CDH24: variants seen among roughly 807,000 people sequenced by gnomAD.
CDH24 encodes the protein cadherin 24.
Under a neutral mutation model 71.2 loss-of-function variants are expected in CDH24, and 61 were observed. The ratio of observed to expected loss-of-function variants is 0.86; its 90% CI spans 0.70 to 1.06. The LOEUF is 1.06. CDH24 is among the 50% of genes least tolerant of loss of function. The pLI is 0.00. For synonymous variants in CDH24, 440 were observed against 470.2 expected (o/e 0.94, Z 0.83); for missense variants, 961 against 1,083.7 (o/e 0.89, Z 1.59).
At chr14:23,052,396 C>A (rs1418200602) in intron 8 of CDH24, 77 bp downstream of exon 8, 2 of 1,530,240 alleles carry the variant, frequency 1.3e-6, no homozygotes, top group Middle Eastern at 1.7e-4. Flanking sequence ...CAGTTAGCAC[C>A]CTTCTCCACC....
Position 23,047,903 on chromosome 14 carries a change from C to T in CDH24, c.*77G>A. On this transcript the variant is annotated 3_prime_UTR_variant, in exon 12 of 13. Coordinates refer to ENST00000487137, the MANE Select transcript of CDH24 (RefSeq NM_144985.4). ...GGGCCCCTGGGCTGCTGCCGCCCGC[C>T]TGGACCCCGTGGGGCTCACTCAGAG... is the stretch of plus-strand genomic sequence containing the variant. The T allele has an allele frequency of 1.7e-6, 2 of 1,154,424 alleles. No individual in the cohort carries two copies. The highest frequency in any genetic ancestry group is 1.1e-6 in the Non-Finnish European group (1 of 909,996). The allele number at this position is 1,154,424 out of a possible 1,614,324, so 71.5% of individuals were successfully genotyped here.
chr14:23,048,269 G>A lies in CDH24; in HGVS notation c.2057C>T (p.Pro686Leu). The change falls in exon 12 of 13, where the codon CCC becomes CTC. Residue 686 changes from proline to leucine, a missense_variant. Pro to Leu is a moderately conservative substitution (Grantham distance 98). This residue lies in a region of CDH24 where 290 missense variants were observed against 272.8 expected (regional missense o/e 1.06). Transcript: ENST00000487137. ...PGPPARRDVL[P>L]RARVSRQPRP... is the part of the protein sequence containing the mutation. ...GGGCTGGCGCGACACCCGGGCCCGG[G>A]GCAACACGTCTCGGCGCGCGGGAGG... 2.0e-6 allele frequency: 3 copies of A among 1,534,826 alleles called. No individual in the cohort carries two copies. The highest frequency in any genetic ancestry group is 2.6e-6 in the Non-Finnish European group (3 of 1,148,816).
rs769279645 is a variant in CDH24, at chr14:23,054,095, G to A, written c.972+46C>T. On this transcript the variant is annotated intron_variant, in intron 6 of 12. Coordinates refer to ENST00000487137, the MANE Select transcript of CDH24 (RefSeq NM_144985.4). The surrounding 1 kb of genome is among the most constrained non-coding windows in gnomAD (Gnocchi z 5.2). ...AGTTAAATATGTGCCCTGTGGGTCG[G>A]CAGGAGGCAGGTCTAAGAGAAAGCA... is the stretch of plus-strand genomic sequence containing the variant. 4.6e-6 allele frequency: 7 copies of A among 1,522,010 alleles called. No individual in the cohort carries two copies. The highest frequency in any genetic ancestry group is 6.2e-6 in the Non-Finnish European group (7 of 1,129,770). 94.3% of individuals were successfully genotyped at this position (1,522,010 alleles called of 1,614,324 possible).
intron 10 of CDH24, 23 bp downstream of exon 10, chr14:23,049,604 C>A: frequency 7.3e-7 from 1 of 1,366,172 alleles, no homozygotes; most frequent in South Asian, 1.3e-5. Flanking sequence ...CAGGTATGGA[C>A]ATGGCTGTAG....
In CDH24 at chr14:23,047,926, G is replaced by C. The variant is rs1321673902; in HGVS notation, c.*54C>G. On this transcript the variant is annotated 3_prime_UTR_variant, in exon 12 of 13. Transcript: ENST00000487137. ...GCCTGGACCCCGTGGGGCTCACTCA[G>C]AGGGCCTGTGCCCGCTGCCCCCCCC... 9.5e-6 allele frequency: 12 copies of C among 1,261,502 alleles called. No homozygotes were observed. In the African/African-American group the frequency reaches 1.9e-4, roughly 20 times the overall value. The allele number at this position is 1,261,502 out of a possible 1,614,324, so 78.1% of individuals were successfully genotyped here. A position where few individuals can be genotyped will look rare whatever the true frequency, so the allele number is the denominator to read the frequency against.
Position 23,048,484 on chromosome 14 carries a change from G to T in CDH24, c.1847-5C>A. On this transcript the variant is annotated splice_region_variant and splice_polypyrimidine_tract_variant and intron_variant, in intron 11 of 12. Transcript: ENST00000487137. ...CCACGAAGAGCACCACCAGGGCTGCGCGAGAGGCGCGCACACAGGCCCTGA... is the reference window on the plus strand; with the variant it reads ...CCACGAAGAGCACCACCAGGGCTGCTCGAGAGGCGCGCACACAGGCCCTGA... The T allele has an allele frequency of 6.2e-7, 1 of 1,603,072 alleles. No homozygotes were observed. The highest frequency in any genetic ancestry group is 8.5e-7 in the Non-Finnish European group (1 of 1,178,930).
At chr14:23,052,686 C>T (rs1679523282) in intron 7 of CDH24, 77 bp from the exon 8 acceptor site, 1 of 1,474,978 alleles carries the variant, frequency 6.8e-7, no homozygotes, top group East Asian at 2.3e-5. Context: ...TTCTTTCTTC[C>T]CTCTGTTCAC....
rs1187921766 is a variant in CDH24 at position 23,051,959 on chromosome 14, C to T, written c.1363+514G>A. The T allele has an allele frequency of 2.7e-6, 4 of 1,481,004 alleles. No individual in the cohort carries two copies. The highest frequency in any genetic ancestry group is 4.8e-5 in the East Asian group (2 of 41,324). 91.7% of individuals were successfully genotyped at this position (1,481,004 alleles called of 1,614,324 possible). A position where few individuals can be genotyped will look rare whatever the true frequency, so the allele number is the denominator to read the frequency against. On this transcript the variant is annotated intron_variant, in intron 8 of 12. Coordinates refer to ENST00000487137, the MANE Select transcript of CDH24 (RefSeq NM_144985.4). The surrounding 1 kb of genome is among the most constrained non-coding windows in gnomAD (Gnocchi z 4.4). ...CACTCCTCCCCTTCCTTATGGTGTC[C>T]ACTCCCCTACCTTGGGGGATTCCCA...
rs560679160 is a variant in CDH24, at chr14:23,054,930, G to GT, written c.497-65_497-64insA. ...GAAGGATGGGGAAGAACAACCGATG[G>GT]GGGGGGATGCAGATACGAGGGAGGC... On this transcript the variant is annotated intron_variant, in intron 3 of 12. Coordinates refer to ENST00000487137, the MANE Select transcript of CDH24 (RefSeq NM_144985.4). This position sits in a 1 kb window ranked among gnomAD's most constrained non-coding sequence, Gnocchi z 5.2. 3.9e-5 allele frequency: 63 copies of GT among 1,604,032 alleles called. No homozygotes were observed. In the South Asian group the frequency reaches 5.0e-4, roughly 13 times the overall value.
intron 1 of CDH24, among the ~76,000 whole-genome samples, chr14:23,056,175 T>C (rs1226484139): frequency 2.0e-5 from 3 of 152,170 alleles, no homozygotes; most frequent in East Asian, 1.9e-4. Flanking sequence ...TAGCCAGGTA[T>C]TGGAGGAGGC....
At position 23,048,323 on chromosome 14, in the gene CDH24, G is replaced by A. The variant is rs2047058464; in HGVS notation, c.2003C>T (p.Pro668Leu). 6.2e-7 allele frequency: 1 copy of A among 1,609,864 alleles called. No homozygotes were observed. The highest frequency in any genetic ancestry group is 1.3e-5 in the African/African-American group (1 of 74,886). The part of the protein sequence containing the change: ...EAFDITALQN[P>L]DGAAPPAPGP... ...GGGCGCCGGGGGGGCCGCCCCGTCC[G>A]GGTTCTGCAAGGCCGTGATGTCGAA... The change falls in exon 12 of 13, where the codon CCG becomes CTG. Residue 668 changes from proline to leucine, a missense_variant. By Grantham distance (98) the Pro-to-Leu change is moderately conservative. Coordinates refer to ENST00000487137, the MANE Select transcript of CDH24 (RefSeq NM_144985.4).
Position 23,055,606 on chromosome 14 carries a change from C to G in CDH24, c.128G>C (p.Arg43Pro). 2 of 1,613,900 alleles carry G rather than the reference C, an allele frequency of 1.2e-6. No individual in the cohort carries two copies. Among genetic ancestry groups the G allele is most frequent in the Non-Finnish European group, 1.7e-6 (2 of 1,179,980 alleles). ...EHPGPALLRT[R>P]RSWVWNQFFV... ...GAACTGGTTCCAGACCCAGCTCCTT[C>G]GAGTCCGCAGCAGAGCAGGCCCTGG... The change falls in exon 2 of 13, where the codon CGA becomes CCA. Residue 43 changes from arginine (R) to proline (P), a missense_variant. Transcript: ENST00000487137. The surrounding 1 kb of genome is among the most constrained non-coding windows in gnomAD (Gnocchi z 4.1).
chr14:23,055,794 C>T lies in CDH24; in HGVS notation c.-61G>A, dbSNP rs151085642. ...TGGGTGCTGAGGCTGGGCCAGGCCA[C>T]GTGGCCCATGAGCTGGCTGGGGTGG... On this transcript the variant is annotated 5_prime_UTR_variant, in exon 2 of 13. The change creates a new upstream start codon in the 5' untranslated region. Coordinates refer to ENST00000487137, the MANE Select transcript of CDH24 (RefSeq NM_144985.4). This position sits in a 1 kb window ranked among gnomAD's most constrained non-coding sequence, Gnocchi z 4.1. 9.1e-3 allele frequency: 12,890 copies of T among 1,418,004 alleles called. 96 individuals are homozygous for T. Among genetic ancestry groups the T allele is most frequent in the Middle Eastern group, 0.024 (93 of 3,890 alleles). 87.8% of individuals were successfully genotyped at this position (1,418,004 alleles called of 1,614,324 possible). A position where few individuals can be genotyped will look rare whatever the true frequency, so the allele number is the denominator to read the frequency against.
At chr14:23,050,069 G>T in intron 8 of CDH24, 126 bp from the exon 9 acceptor site, 1 of 1,292,714 alleles carries the variant, frequency 7.7e-7, no homozygotes, top group Non-Finnish European at 1.1e-6. Context: ...CATGAAATAT[G>T]CATGTAATGT....
In CDH24 at chr14:23,054,041, G is replaced by C. The variant is rs1009536740; in HGVS notation, c.972+100C>G. On this transcript the variant is annotated intron_variant, in intron 6 of 12. Coordinates refer to ENST00000487137, the MANE Select transcript of CDH24 (RefSeq NM_144985.4). This position sits in a 1 kb window ranked among gnomAD's most constrained non-coding sequence, Gnocchi z 5.2. Reference sequence around the variant, plus strand: ...TGACCATGATCTCTAAGCTCCAACAGAGAGATCCTGAGTCTGTTCTAGAAG... The same window carrying C: ...TGACCATGATCTCTAAGCTCCAACACAGAGATCCTGAGTCTGTTCTAGAAG... 3 of 1,276,978 alleles carry C rather than the reference G, an allele frequency of 2.3e-6. No individual in the cohort carries two copies. The highest frequency in any genetic ancestry group is 3.2e-6 in the Non-Finnish European group (3 of 931,178). 79.1% of individuals were successfully genotyped at this position (1,276,978 alleles called of 1,614,324 possible). A position where few individuals can be genotyped will look rare whatever the true frequency, so the allele number is the denominator to read the frequency against.
chr14:23,054,609 G>T lies in CDH24; in HGVS notation c.681C>A (p.Ile227=). The T allele has an allele frequency of 6.2e-7, 1 of 1,614,084 alleles. No homozygotes were observed. The highest frequency in any genetic ancestry group is 8.5e-7 in the Non-Finnish European group (1 of 1,179,996). Residue 227 remains isoleucine (I), a synonymous_variant, in exon 5 of 13, where the codon ATC becomes ATA. Coordinates refer to ENST00000487137, the MANE Select transcript of CDH24 (RefSeq NM_144985.4). This position sits in a 1 kb window ranked among gnomAD's most constrained non-coding sequence, Gnocchi z 5.2. ...RETQEEFLVV[I]QAKDMGGHMG... ...TGTGGCCGCCCATGTCCTTGGCCTGGATCACCACCAAGAACTCCTCCTGTG... is the reference window on the plus strand; with the variant it reads ...TGTGGCCGCCCATGTCCTTGGCCTGTATCACCACCAAGAACTCCTCCTGTG...
At chr14:23,049,564 G>C in intron 10 of CDH24, 63 bp downstream of exon 10, 1 of 1,007,536 alleles carries the variant, frequency 9.9e-7, no homozygotes, top group Non-Finnish European at 1.5e-6. Flanking sequence ...GCTGGGCTAG[G>C]GGTGGAGGAG....
In CDH24 at chr14:23,050,256, G is replaced by C. The variant is rs116800518; in HGVS notation, c.1364-313C>G. On this transcript the variant is annotated intron_variant, in intron 8 of 12. Transcript: ENST00000487137. The stretch of plus-strand genomic sequence containing the variant: ...CATGCAGCATAAATGAAAGACAGAG[G>C]GAAGGTGCATACGAGTTGCATGCAG... 2.8e-3 allele frequency: 727 copies of C among 263,334 alleles called. 3 individuals carry two copies. Among genetic ancestry groups the C allele is most frequent in the African/African-American group, 0.015 (677 of 45,324 alleles). 16.3% of individuals were successfully genotyped at this position (263,334 alleles called of 1,614,324 possible).
In CDH24 at chr14:23,054,263, GGGCCCGGAGCC is replaced by G; in HGVS notation, c.839_849del (p.Arg280ProfsTer22). ...GCGTTGTCCCCCAGGTCTGGGTCCT[GGGCCCGGAGCC>G]GGCCCACCAGTGTGCCAGGTCCAGC... On this transcript the variant is annotated frameshift_variant, in exon 6 of 13. Coordinates refer to ENST00000487137, the MANE Select transcript of CDH24 (RefSeq NM_144985.4). LOFTEE classifies it high-confidence loss of function. This position sits in a 1 kb window ranked among gnomAD's most constrained non-coding sequence, Gnocchi z 5.2. 1 of 1,613,582 alleles carries G rather than the reference GGGCCCGGAGCC, an allele frequency of 6.2e-7. No individual in the cohort carries two copies. The highest frequency in any genetic ancestry group is 8.5e-7 in the Non-Finnish European group (1 of 1,179,772).
Sources: gnomAD v4.1 joint callset for allele counts (sites outside exome capture counted in the v4.1 genomes callset) on GRCh38, gnomAD v4.1.1 for gene constraint, gnomAD v4.1.1 regional missense constraint, Gnocchi (gnomAD v3.1) non-coding constraint, MANE v1.5 for transcripts, NCBI Gene and HGNC (gene_info 2026-07-23, HGNC 2026-07-21) for gene names.